NARS2: variants seen among roughly 807,000 people sequenced by gnomAD.
NARS2 encodes the protein asparaginyl-tRNA synthetase.
Under a neutral mutation model 62.9 loss-of-function variants are expected in NARS2, and 60 were observed. The ratio of observed to expected loss-of-function variants is 0.95; its 90% CI spans 0.77 to 1.18. The LOEUF is 1.18. NARS2 is among the 50% of genes most tolerant of loss of function. The probability of loss-of-function intolerance (pLI) is 0.00; values close to 1 mark genes in which losing one functional copy is unlikely to be tolerated. For synonymous variants in NARS2, 196 were observed against 200.0 expected, an observed-to-expected ratio of 0.98 and a Z score of 0.17; for missense variants, 619 against 576.4, an observed-to-expected ratio of 1.07 and a Z score of -0.76.
intron 8 of NARS2, 54 bp from the exon 9 acceptor site, chr11:78,478,529 T>C (rs1859207655): frequency 7.8e-7 from 1 of 1,281,952 alleles, no homozygotes. Flanking sequence ...ATTCATTATG[T>C]ATAATTAACA....
In NARS2 at chr11:78,492,832, T is replaced by C. The variant is rs1433931274; in HGVS notation, c.822+231A>G. Among the ~76,000 whole-genome samples the C allele has an allele frequency of 2.0e-5, 3 of 152,176 alleles. No individual in the cohort carries two copies. In the East Asian group the frequency reaches 5.8e-4, roughly 29 times the overall value. ...TTGAGGAACCTAAAGATCATGAAAGTCAGGGAACTTCATAGCAAAGCTAAT... is the reference window on the plus strand; with the variant it reads ...TTGAGGAACCTAAAGATCATGAAAGCCAGGGAACTTCATAGCAAAGCTAAT... On this transcript the variant is annotated intron_variant, in intron 7 of 13. Transcript: ENST00000281038.
chr11:78,468,257 G>T (rs1381962077), intron 10 of NARS2, among the ~76,000 whole-genome samples: 1 of 124,758 alleles, frequency 8.0e-6, no homozygotes, highest in African/African-American at 3.1e-5. Context: ...TAAACTAAAA[G>T]GCTCCGTAAA....
intron 11 of NARS2, among the ~76,000 whole-genome samples, chr11:78,455,433 ACAGTTCTATAAATTTT>A (rs1430911418): frequency 6.6e-6 from 1 of 152,222 alleles, no homozygotes; most frequent in East Asian, 1.9e-4. Flanking sequence ...TAACTAGTAT[ACAGTTCTATAAATTTT>A]CACAAACACA....
At chr11:78,540,060 A>C (rs141308857) in intron 5 of NARS2, among the ~76,000 whole-genome samples, 2 of 152,308 alleles carry the variant, frequency 1.3e-5, no homozygotes, top group African/African-American at 4.8e-5. Context: ...TGATCATATA[A>C]AACTTACGTT....
rs112990920 is a variant in NARS2, at chr11:78,494,452, A to G, written c.690-1257T>C. On this transcript the variant is annotated intron_variant, in intron 6 of 13. Transcript: ENST00000281038. ...GAAAATAGATGGATTTTGTATATAT[A>G]TAAGTTTTTTCTTTTTCTTTTTTTT... Among the ~76,000 whole-genome samples, 407 of 144,648 alleles carry G rather than the reference A, an allele frequency of 2.8e-3. 1 individual carries two copies. The highest frequency in any genetic ancestry group is 8.7e-3 in the African/African-American group (343 of 39,586). 94.9% of individuals were successfully genotyped at this position (144,648 alleles called of 152,430 possible).
intron 6 of NARS2, among the ~76,000 whole-genome samples, chr11:78,504,778 T>G (rs1179101763): frequency 6.6e-6 from 1 of 152,108 alleles, no homozygotes; most frequent in Non-Finnish European, 1.5e-5. Flanking sequence ...ATAACACCGG[T>G]GAAGAGAGAA....
intron 6 of NARS2, among the ~76,000 whole-genome samples, chr11:78,512,998 T>G (rs1860771922): frequency 6.6e-6 from 1 of 152,112 alleles, no homozygotes. Flanking sequence ...ATCTGAAATC[T>G]CAGTAGTTTG....
At chr11:78,436,844 T>A (rs747354164) in intron 13 of NARS2, 30 bp from the exon 14 acceptor site, 10 of 1,598,394 alleles carry the variant, frequency 6.3e-6, no homozygotes, top group Non-Finnish European at 8.6e-6. Context: ...AATCATCATC[T>A]ATATATAGTA....
intron 9 of NARS2, among the ~76,000 whole-genome samples, chr11:78,477,757 T>C (rs1859163747): frequency 6.6e-6 from 1 of 152,170 alleles, no homozygotes; most frequent in African/African-American, 2.4e-5. Context: ...CAGAGACTAA[T>C]CTCCTCCTGA....
chr11:78,505,628 T>C (rs1421191600), intron 6 of NARS2, among the ~76,000 whole-genome samples: 1 of 152,212 alleles, frequency 6.6e-6, no homozygotes, highest in Non-Finnish European at 1.5e-5. Context: ...TGAAGTCATA[T>C]TGATTTATTC....
intron 6 of NARS2, among the ~76,000 whole-genome samples, chr11:78,522,059 C>T (rs138332893): frequency 8.5e-5 from 13 of 152,162 alleles, no homozygotes; most frequent in African/African-American, 3.1e-4. Context: ...GCTTAAGCGC[C>T]CTCCTGCCTT....
chr11:78,450,576 T>G (rs1181464395), intron 11 of NARS2, among the ~76,000 whole-genome samples: 7 of 152,038 alleles, frequency 4.6e-5, no homozygotes, highest in Non-Finnish European at 7.4e-5. Flanking sequence ...TCCTTTACAA[T>G]GTCTCATAAT....
intron 5 of NARS2, among the ~76,000 whole-genome samples, chr11:78,536,840 C>T (rs532749988): frequency 6.6e-6 from 1 of 152,190 alleles, no homozygotes; most frequent in East Asian, 1.9e-4. Flanking sequence ...TCATCCAGAG[C>T]AGCTTCCAGT....
At chr11:78,452,777 ACT>A (rs984917090) in intron 11 of NARS2, among the ~76,000 whole-genome samples, 1 of 152,068 alleles carries the variant, frequency 6.6e-6, no homozygotes, top group Admixed American at 6.5e-5. Flanking sequence ...TTCCTATATT[ACT>A]CTTTTTCTTG....
At position 78,566,121 on chromosome 11, in the gene NARS2, T is replaced by C; in HGVS notation, c.513+11A>G. 4 of 1,595,748 alleles carry C rather than the reference T, an allele frequency of 2.5e-6. No individual in the cohort carries two copies. Among genetic ancestry groups the C allele is most frequent in the East Asian group, 2.2e-5 (1 of 44,664 alleles). ...GTTTAAAGGGTCAAGAGGGAACTTT[T>C]AGGATCTTACCTTAAAGAAAGAATG... On this transcript the variant is annotated intron_variant, in intron 4 of 13. Coordinates refer to ENST00000281038, the MANE Select transcript of NARS2 (RefSeq NM_024678.6).
chr11:78,468,466 G>T (rs1858726143), intron 10 of NARS2, among the ~76,000 whole-genome samples: 1 of 150,028 alleles, frequency 6.7e-6, no homozygotes, highest in Non-Finnish European at 1.5e-5. Flanking sequence ...GAATGCAGTG[G>T]TGATCTCTGC....
chr11:78,462,406 GCTCA>G (rs1194340284), intron 11 of NARS2, among the ~76,000 whole-genome samples: 2 of 152,182 alleles, frequency 1.3e-5, no homozygotes, highest in Non-Finnish European at 2.9e-5. Flanking sequence ...CAATTATGTT[GCTCA>G]CTAGTTTTGG....
intron 5 of NARS2, among the ~76,000 whole-genome samples, chr11:78,557,581 A>AAAC (rs1272438110): frequency 3.9e-5 from 6 of 152,224 alleles, no homozygotes; most frequent in Non-Finnish European, 5.9e-5. Flanking sequence ...GGAGCCTAGG[A>AAAC]TCAATGAATT....
chr11:78,440,803 G>A (rs1857553756), intron 13 of NARS2, among the ~76,000 whole-genome samples: 1 of 152,216 alleles, frequency 6.6e-6, no homozygotes, highest in Non-Finnish European at 1.5e-5. Flanking sequence ...AAAGTGCTGG[G>A]ATTACAGGCG....
Sources: allele counts gnomAD v4.1 joint callset (sites outside exome capture counted in the v4.1 genomes callset), GRCh38; gene constraint gnomAD v4.1.1; transcripts MANE v1.5; gene names NCBI Gene and HGNC (gene_info 2026-07-23, HGNC 2026-07-21).